SLC30A8: variants seen among roughly 807,000 people sequenced by gnomAD.
SLC30A8 encodes proton-coupled zinc antiporter SLC30A8.
Under a neutral mutation model 36.9 loss-of-function variants are expected in SLC30A8, and 27 were observed. The observed-to-expected ratio is 0.73, with a 90% CI of 0.54 to 1.01. The LOEUF is 1.01. SLC30A8 is among the 50% of genes least tolerant of loss of function. The pLI, the probability that SLC30A8 is intolerant of heterozygous loss-of-function variation, is 0.00. For synonymous variants in SLC30A8, 164 were observed against 172.4 expected, an observed-to-expected ratio of 0.95 and a Z score of 0.38; for missense variants, 439 against 452.0, an observed-to-expected ratio of 0.97 and a Z score of 0.26.
chr8:116,965,950 C>G (rs1268253274), intron 1 of SLC30A8, among the ~76,000 whole-genome samples: 4 of 145,768 alleles, frequency 2.7e-5, no homozygotes, highest in Admixed American at 2.1e-4. Context: ...GTGGCGTGAT[C>G]TCAGCTCACT....
chr8:116,965,758 T>G (rs1383354404), intron 1 of SLC30A8, among the ~76,000 whole-genome samples: 1 of 152,250 alleles, frequency 6.6e-6, no homozygotes, highest in East Asian at 1.9e-4. Context: ...TAAATAACTA[T>G]TCTTTCTTTA....
rs1474410899 is a variant in SLC30A8 at position 117,092,961 on chromosome 8, G to T, written c.-225-42319G>T. Among the ~76,000 whole-genome samples, 3 of 152,162 alleles carry T rather than the reference G, an allele frequency of 2.0e-5. No homozygotes were observed. In the East Asian group the frequency reaches 5.8e-4, roughly 29 times the overall value. Reference sequence around the variant, plus strand: ...TAGCTTGTATTCCTTTGGGAGGAATGTCATATATCCCCTGTGTCAGCTAAA... The same window carrying T: ...TAGCTTGTATTCCTTTGGGAGGAATTTCATATATCCCCTGTGTCAGCTAAA... On this transcript the variant is annotated intron_variant, in intron 2 of 10. Transcript: ENST00000427715.
intron 2 of SLC30A8, among the ~76,000 whole-genome samples, chr8:117,099,156 C>G (rs551292155): frequency 6.6e-6 from 1 of 152,164 alleles, no homozygotes; most frequent in Non-Finnish European, 1.5e-5. Flanking sequence ...GGAATGCCTA[C>G]AGCCAAACCA....
chr8:117,108,965 G>C (rs1031505495), intron 2 of SLC30A8, among the ~76,000 whole-genome samples: 4 of 152,090 alleles, frequency 2.6e-5, no homozygotes, highest in Admixed American at 6.6e-5. Flanking sequence ...TGCTAGTTTT[G>C]CTCTCTGGCA....
At chr8:117,041,582 C>A (rs781757012) in intron 2 of SLC30A8, among the ~76,000 whole-genome samples, 1 of 151,830 alleles carries the variant, frequency 6.6e-6, no homozygotes, top group Non-Finnish European at 1.5e-5. Context: ...TTCAGCTACT[C>A]GGGAGGCTGA....
At chr8:117,029,341 C>T (rs1042167790) in intron 1 of SLC30A8, among the ~76,000 whole-genome samples, 2 of 152,128 alleles carry the variant, frequency 1.3e-5, no homozygotes, top group African/African-American at 4.8e-5. Flanking sequence ...ACCTACTCAC[C>T]TTCTAGTTGT....
intron 2 of SLC30A8, among the ~76,000 whole-genome samples, chr8:117,110,992 C>T (rs1239105984): frequency 6.6e-6 from 1 of 152,116 alleles, no homozygotes; most frequent in African/African-American, 2.4e-5. Flanking sequence ...TGATTAATGG[C>T]TTAGAATCTG....
At chr8:117,030,562 ACTT>A (rs1036811851) in intron 1 of SLC30A8, among the ~76,000 whole-genome samples, 1 of 152,126 alleles carries the variant, frequency 6.6e-6, no homozygotes, top group African/African-American at 2.4e-5. Context: ...GAAGGAATAA[ACTT>A]CTGCCTGGGT....
At chr8:116,981,158 A>G (rs147649651) in intron 1 of SLC30A8, among the ~76,000 whole-genome samples, 4 of 152,244 alleles carry the variant, frequency 2.6e-5, no homozygotes, top group East Asian at 1.9e-4. Context: ...ATGTGTAGCA[A>G]TTTGCGGTGA....
At chr8:117,045,089 T>G (rs977289213) in intron 2 of SLC30A8, among the ~76,000 whole-genome samples, 2 of 152,182 alleles carry the variant, frequency 1.3e-5, no homozygotes, top group African/African-American at 4.8e-5. Context: ...AAGGCAAAAT[T>G]TCATCCTTTC....
At chr8:117,091,807 A>G (rs1271592595) in intron 2 of SLC30A8, among the ~76,000 whole-genome samples, 1 of 152,216 alleles carries the variant, frequency 6.6e-6, no homozygotes, top group Non-Finnish European at 1.5e-5. Context: ...TCTGTGGGCT[A>G]TGTGAAAACA....
At chr8:117,168,871 G>C (rs140831230) in intron 6 of SLC30A8, among the ~76,000 whole-genome samples, 8 of 152,170 alleles carry the variant, frequency 5.3e-5, no homozygotes, top group African/African-American at 1.9e-4. Context: ...TTCTCTGTGT[G>C]GCCTTAGCAA....
At chr8:117,067,352 T>C (rs1818201175) in intron 2 of SLC30A8, among the ~76,000 whole-genome samples, 1 of 151,994 alleles carries the variant, frequency 6.6e-6, no homozygotes, top group Non-Finnish European at 1.5e-5. Flanking sequence ...GCTGTTCTTT[T>C]TCGTTTTTTT....
intron 1 of SLC30A8, among the ~76,000 whole-genome samples, chr8:117,138,638 C>T (rs1436336554): frequency 6.6e-6 from 1 of 152,002 alleles, no homozygotes; most frequent in Non-Finnish European, 1.5e-5. Context: ...TACCCAGCCT[C>T]CTCTCATAGG....
intron 2 of SLC30A8, among the ~76,000 whole-genome samples, chr8:117,117,567 A>T (rs528491343): frequency 6.6e-6 from 1 of 152,160 alleles, no homozygotes; most frequent in East Asian, 1.9e-4. Context: ...TAATTATTTA[A>T]CAGTGAAATA....
At chr8:117,062,317 A>G (rs1010863172) in intron 2 of SLC30A8, among the ~76,000 whole-genome samples, 8 of 152,212 alleles carry the variant, frequency 5.3e-5, no homozygotes, top group African/African-American at 1.9e-4. Context: ...TAATTTGCTC[A>G]TGGTTCTGCA....
At chr8:117,170,437 G>A (rs988468871) in intron 6 of SLC30A8, among the ~76,000 whole-genome samples, 6 of 152,096 alleles carry the variant, frequency 3.9e-5, no homozygotes, top group East Asian at 1.9e-4. Flanking sequence ...CTTACAAACC[G>A]AATAAGATGG....
chr8:117,100,079 A>C (rs943134726), intron 2 of SLC30A8, among the ~76,000 whole-genome samples: 1 of 152,098 alleles, frequency 6.6e-6, no homozygotes, highest in Admixed American at 6.6e-5. Flanking sequence ...GTACCCTCAA[A>C]CCCATATTGA....
At chr8:117,041,462 T>A (rs1189137435) in intron 2 of SLC30A8, among the ~76,000 whole-genome samples, 2 of 151,820 alleles carry the variant, frequency 1.3e-5, no homozygotes, top group Non-Finnish European at 2.9e-5. Flanking sequence ...CCAAGGCGGG[T>A]GGATAGCCTG....
Sources: gnomAD v4.1 joint callset for allele counts (sites outside exome capture counted in the v4.1 genomes callset) on GRCh38, gnomAD v4.1.1 for gene constraint, MANE v1.5 for transcripts, NCBI Gene and HGNC (gene_info 2026-07-23, HGNC 2026-07-21) for gene names.